SYT1: variants seen among roughly 807,000 people sequenced by gnomAD.
SYT1 encodes synaptotagmin 1, also known as synaptotagmin-1.
A neutral mutation model predicts 44.8 loss-of-function variants in SYT1; 8 were observed. The ratio of observed to expected loss-of-function variants is 0.18; its 90% CI spans 0.10 to 0.32. The LOEUF (loss-of-function observed/expected upper bound fraction) is 0.32. Among genes scored for constraint, SYT1 ranks in the 10% least tolerant of loss-of-function variants. SYT1 has a pLI of 1.00. For missense variants in SYT1, 286 were observed against 509.3 expected (o/e 0.56, Z 4.22); for synonymous variants, 154 against 188.8 (o/e 0.82, Z 1.51).
intron 2 of SYT1, among the ~76,000 whole-genome samples, chr12:79,014,139 G>GAAAAAAAAAAAAAAAAAAAAAAAAAAAA (rs1170016597): frequency 1.1e-5 from 1 of 90,386 alleles, no homozygotes; most frequent in Non-Finnish European, 2.2e-5. Flanking sequence ...AAAAAAAAAA[G>GAAAAAAAAAAAAAAAAAAAAAAAAAAAA]AAAAAAAAAA....
At chr12:79,225,090 G>A (rs1253329309) in intron 4 of SYT1, among the ~76,000 whole-genome samples, 2 of 150,220 alleles carry the variant, frequency 1.3e-5, no homozygotes, top group East Asian at 4.0e-4. Context: ...CCTGACTTGA[G>A]TTTTTTAAAA....
chr12:79,142,293 C>T (rs1172808520), intron 3 of SYT1, among the ~76,000 whole-genome samples: 1 of 152,214 alleles, frequency 6.6e-6, no homozygotes, highest in Non-Finnish European at 1.5e-5. Context: ...TACTAATGCT[C>T]TAAAGTTACA....
At chr12:79,320,648 C>T (rs1447941922) in intron 8 of SYT1, among the ~76,000 whole-genome samples, 3 of 128,764 alleles carry the variant, frequency 2.3e-5, no homozygotes, top group Non-Finnish European at 3.3e-5. Flanking sequence ...TCTTTTTCCC[C>T]TTTTTTTTTT....
chr12:78,981,684 G>A (rs1014371303), intron 2 of SYT1, among the ~76,000 whole-genome samples: 4 of 152,054 alleles, frequency 2.6e-5, no homozygotes, highest in African/African-American at 9.7e-5. Context: ...TGAAAATTCA[G>A]CATCAAGTGA....
At chr12:78,970,770 G>A (rs35492264) in intron 1 of SYT1, among the ~76,000 whole-genome samples, 4,256 of 152,106 alleles carry the variant, frequency 0.028, 86 homozygotes, top group Non-Finnish European at 0.042. Context: ...ATTCTCAACC[G>A]AGAAATAAAC....
intron 3 of SYT1, among the ~76,000 whole-genome samples, chr12:79,178,491 T>G (rs763033017): frequency 1.3e-5 from 2 of 152,094 alleles, no homozygotes; most frequent in Non-Finnish European, 1.5e-5. Context: ...AGGCCCACTT[T>G]GTACCTTGCC....
chr12:79,128,210 A>C (rs1172190810), intron 3 of SYT1, among the ~76,000 whole-genome samples: 4 of 152,144 alleles, frequency 2.6e-5, no homozygotes, highest in African/African-American at 9.7e-5. Flanking sequence ...CCTGGGCAAC[A>C]TAAGGAGACC....
At chr12:79,224,751 TTTA>T (rs201728926) in intron 4 of SYT1, among the ~76,000 whole-genome samples, 4,233 of 23,768 alleles carry the variant, frequency 0.18, 95 homozygotes, top group South Asian at 0.25. Flanking sequence ...TTATTTATTT[TTTA>T]TTATTATTAT....
In SYT1 at chr12:78,977,832, A is replaced by G. The variant is rs1053729628; in HGVS notation, c.-183A>G. ...GGAAAACTAGCAAGAGCTAGCAAGAACTAGCAAGAGCTTGAACAAACGCCT... is the reference window on the plus strand; with the variant it reads ...GGAAAACTAGCAAGAGCTAGCAAGAGCTAGCAAGAGCTTGAACAAACGCCT... On this transcript the variant is annotated 5_prime_UTR_variant, in exon 2 of 11. Coordinates refer to ENST00000261205, the MANE Select transcript of SYT1 (RefSeq NM_005639.3). 1 of 152,376 alleles carries G rather than the reference A, an allele frequency of 6.6e-6. No individual in the cohort carries two copies. Among genetic ancestry groups the G allele is most frequent in the African/African-American group, 2.4e-5 (1 of 41,574 alleles). The allele number at this position is 152,376 out of a possible 1,614,324, so 9.4% of individuals were successfully genotyped here. A position where few individuals can be genotyped will look rare whatever the true frequency, so the allele number is the denominator to read the frequency against.
intron 3 of SYT1, among the ~76,000 whole-genome samples, chr12:79,083,151 T>G (rs954369665): frequency 2.0e-5 from 3 of 152,032 alleles, no homozygotes; most frequent in Non-Finnish European, 2.9e-5. Flanking sequence ...AGGAAAAAAT[T>G]ATAATGTCAA....
intron 2 of SYT1, among the ~76,000 whole-genome samples, chr12:79,006,458 C>A (rs925044650): frequency 6.6e-5 from 10 of 152,020 alleles, no homozygotes; most frequent in Non-Finnish European, 1.3e-4. Flanking sequence ...GAGGTCTAGA[C>A]AACAGGTGCT....
intron 3 of SYT1, among the ~76,000 whole-genome samples, chr12:79,191,598 A>G (rs1352710195): frequency 6.6e-6 from 1 of 152,154 alleles, no homozygotes; most frequent in Admixed American, 6.6e-5. Context: ...ACATGAGGAT[A>G]TGTGGGTTTC....
chr12:79,271,569 C>G (rs1878428429), intron 4 of SYT1, among the ~76,000 whole-genome samples: 1 of 152,160 alleles, frequency 6.6e-6, no homozygotes, highest in African/African-American at 2.4e-5. Flanking sequence ...CATGATTGCA[C>G]AAACCATCCT....
At chr12:78,941,065 C>CTTTTTTTTTTTTT (rs398044555) in intron 1 of SYT1, among the ~76,000 whole-genome samples, 21 of 68,468 alleles carry the variant, frequency 3.1e-4, no homozygotes, top group Admixed American at 5.5e-4. Flanking sequence ...CTTTTTTTTT[C>CTTTTTTTTTTTTT]TTTTTTTTTT....
At chr12:79,044,981 C>A (rs1329541241) in intron 2 of SYT1, among the ~76,000 whole-genome samples, 1 of 152,190 alleles carries the variant, frequency 6.6e-6, no homozygotes. Flanking sequence ...TGCCCGTTCT[C>A]AGATCTGCAG....
chr12:79,077,009 A>G (rs1876704267), intron 3 of SYT1, among the ~76,000 whole-genome samples: 1 of 152,092 alleles, frequency 6.6e-6, no homozygotes, highest in Admixed American at 6.6e-5. Context: ...TACTGTGTCA[A>G]TTACTGAGCC....
chr12:79,339,346 T>C (rs556726894), intron 8 of SYT1, among the ~76,000 whole-genome samples: 1 of 152,356 alleles, frequency 6.6e-6, no homozygotes, highest in East Asian at 1.9e-4. Flanking sequence ...TTCCTGACTT[T>C]TTAATGATCG....
intron 9 of SYT1, among the ~76,000 whole-genome samples, chr12:79,358,579 T>C (rs1883200437): frequency 6.6e-6 from 1 of 152,152 alleles, no homozygotes. Flanking sequence ...TACTTGCAAT[T>C]GCTCTTATCA....
At chr12:79,368,228 C>T (rs1311282277) in intron 9 of SYT1, among the ~76,000 whole-genome samples, 1 of 152,098 alleles carries the variant, frequency 6.6e-6, no homozygotes, top group African/African-American at 2.4e-5. Flanking sequence ...GACATGAACT[C>T]ATCATTTTTT....
Sources: allele counts gnomAD v4.1 joint callset (sites outside exome capture counted in the v4.1 genomes callset), GRCh38; gene constraint gnomAD v4.1.1; transcripts MANE v1.5; gene names NCBI Gene and HGNC (gene_info 2026-07-23, HGNC 2026-07-21).